The following PKHD1L1 variants were observed in gnomAD, a reference collection of about 807,000 sequenced individuals.
PKHD1L1 encodes the protein PKHD1 like 1, also known as fibrocystin-L.
PKHD1L1 carries 434 observed loss-of-function variants against 462.9 expected under a neutral mutation model. The ratio of observed to expected loss-of-function variants is 0.94; its 90% confidence interval spans 0.87 to 1.02. The LOEUF (loss-of-function observed/expected upper bound fraction) is 1.02. Ranked by LOEUF, PKHD1L1 falls within the 50% of genes least tolerant of loss-of-function variation. The probability of loss-of-function intolerance (pLI) is 0.00; values close to 1 mark genes in which losing one functional copy is unlikely to be tolerated. For missense variants in PKHD1L1, 5,202 were observed against 5,096.1 expected, an observed-to-expected ratio of 1.02 and a Z score of -0.63; for synonymous variants, 1,781 against 1,750.0, an observed-to-expected ratio of 1.02 and a Z score of -0.44.
intron 28 of PKHD1L1, 41 bp from the exon 29 acceptor site, chr8:109,435,149 T>C (rs775544851): frequency 6.2e-7 from 1 of 1,605,224 alleles, no homozygotes; most frequent in Non-Finnish European, 8.5e-7. Flanking sequence ...ATAAAACCAT[T>C]TGATTTACCA....
At chr8:109,465,421 G>C (rs975396300) in intron 49 of PKHD1L1, among the ~76,000 whole-genome samples, 176 bp downstream of exon 49, 2 of 152,270 alleles carry the variant, frequency 1.3e-5, no homozygotes, top group Middle Eastern at 3.4e-3. Context: ...TTCGTTTCTG[G>C]AAGAGCCCCA....
rs1818166568 is a variant in PKHD1L1, at chr8:109,479,549, A to C, written c.9090-2A>C. The C allele has an allele frequency of 6.7e-7, 1 of 1,484,986 alleles. No individual in the cohort carries two copies. Among genetic ancestry groups the C allele is most frequent in the Non-Finnish European group, 9.3e-7 (1 of 1,078,112 alleles). The allele number at this position is 1,484,986 out of a possible 1,614,324, so 92.0% of individuals were successfully genotyped here. ...ATGGAAGTATTTCTCTTCTCTTTTC[A>C]GTTTATGGTCAAATGATTCTTTTTG... On this transcript the variant is annotated splice_acceptor_variant, in intron 53 of 77. Coordinates refer to ENST00000378402, the MANE Select transcript of PKHD1L1 (RefSeq NM_177531.6). LOFTEE classifies it high-confidence loss of function.
chr8:109,463,530 C>A (rs569801028), intron 48 of PKHD1L1, among the ~76,000 whole-genome samples: 1 of 152,206 alleles, frequency 6.6e-6, no homozygotes, highest in South Asian at 2.1e-4. Flanking sequence ...TATTTCCTTA[C>A]CCCATGAGAT....
intron 22 of PKHD1L1, among the ~76,000 whole-genome samples, chr8:109,420,034 TGTC>T (rs954905531): frequency 6.6e-6 from 1 of 152,188 alleles, no homozygotes; most frequent in African/African-American, 2.4e-5. Flanking sequence ...GGATAAATAT[TGTC>T]GTTCATTAAA....
At chr8:109,408,317 CA>C (rs1457969780) in intron 18 of PKHD1L1, 111 bp downstream of exon 18, 1 of 993,598 alleles carries the variant, frequency 1.0e-6, no homozygotes, top group African/African-American at 1.6e-5. Context: ...AAAATCACTG[CA>C]AATTATTTAT....
intron 1 of PKHD1L1, 141 bp from the exon 2 acceptor site, chr8:109,364,406 A>G (rs1811125242): frequency 4.4e-6 from 3 of 679,194 alleles, no homozygotes; most frequent in Non-Finnish European, 7.5e-6. Flanking sequence ...AGCCAAAAAT[A>G]AAACCTGGGT....
intron 23 of PKHD1L1, among the ~76,000 whole-genome samples, chr8:109,423,997 G>T (rs1212465509): frequency 6.6e-6 from 1 of 151,920 alleles, no homozygotes; most frequent in African/African-American, 2.4e-5. Context: ...TCTTTATCTT[G>T]TATCTTATAA....
Position 109,456,262 on chromosome 8 carries a change from G to A in PKHD1L1, c.6875G>A (p.Gly2292Asp). ...TACTCAGTGTGTATGTTGGTTCTAG[G>A]TGTGCCTGTTCCTGTGACCTGGACT... ...AVREGILDLHGVPVPVTWTRL... is the reference protein window; with the variant it reads ...AVREGILDLHDVPVPVTWTRL... Residue 2292 changes from glycine to aspartate, a missense_variant and splice_region_variant, in exon 46 of 78, where the codon GGT becomes GAT. Physicochemically the swap from Gly to Asp is moderately conservative, Grantham distance 94. Around this residue, in one of 3 missense-constraint regions of PKHD1L1, gnomAD observed 4,497 missense variants for 4,336.8 expected, o/e 1.04. Transcript: ENST00000378402. The A allele has an allele frequency of 6.2e-6, 10 of 1,611,904 alleles. No individual in the cohort carries two copies. The highest frequency in any genetic ancestry group is 7.6e-6 in the Non-Finnish European group (9 of 1,178,998).
At chr8:109,468,626 T>C (rs527728292) in intron 50 of PKHD1L1, among the ~76,000 whole-genome samples, 1 of 152,274 alleles carries the variant, frequency 6.6e-6, no homozygotes, top group Admixed American at 6.5e-5. Context: ...CCATAATATG[T>C]CCCCATGACC....
chr8:109,513,338 A>C (rs1054052933), intron 71 of PKHD1L1, among the ~76,000 whole-genome samples: 5 of 152,144 alleles, frequency 3.3e-5, no homozygotes, highest in Non-Finnish European at 7.4e-5. Flanking sequence ...ATGTACATCC[A>C]AAACTGATCA....
chr8:109,403,492 CTTAGT>C (rs1813376573), intron 14 of PKHD1L1, among the ~76,000 whole-genome samples: 1 of 152,028 alleles, frequency 6.6e-6, no homozygotes, highest in African/African-American at 2.4e-5. Flanking sequence ...CTGCAAAGTG[CTTAGT>C]TTATTGTCTA....
At chr8:109,425,871 G>A (rs1393575169) in intron 24 of PKHD1L1, among the ~76,000 whole-genome samples, 1 of 152,054 alleles carries the variant, frequency 6.6e-6, no homozygotes, top group East Asian at 1.9e-4. Flanking sequence ...TTGAATATAA[G>A]GGATTATATG....
intron 41 of PKHD1L1, 88 bp downstream of exon 41, chr8:109,451,237 A>G: frequency 7.3e-7 from 1 of 1,369,674 alleles, no homozygotes; most frequent in Non-Finnish European, 9.8e-7. Context: ...ACAGTGCAGA[A>G]ATACAGTCAT....
intron 63 of PKHD1L1, among the ~76,000 whole-genome samples, chr8:109,496,095 A>G (rs1819070496): frequency 6.6e-6 from 1 of 152,226 alleles, no homozygotes; most frequent in Admixed American, 6.5e-5. Context: ...CTTTCCCAAG[A>G]TAATGCATAC....
chr8:109,477,053 T>C (rs528400422), intron 52 of PKHD1L1, among the ~76,000 whole-genome samples, 172 bp from the exon 53 acceptor site: 9 of 152,182 alleles, frequency 5.9e-5, no homozygotes, highest in Non-Finnish European at 1.2e-4. Flanking sequence ...ATTTTGACCG[T>C]GTATATCTTT....
chr8:109,383,215 TA>T (rs1812244023), intron 4 of PKHD1L1, among the ~76,000 whole-genome samples: 1 of 84,358 alleles, frequency 1.2e-5, no homozygotes, highest in South Asian at 3.1e-4. Context: ...TTATATAATA[TA>T]ATTATATATT....
At chr8:109,507,307 AAT>A (rs1819739460) in intron 68 of PKHD1L1, among the ~76,000 whole-genome samples, 1 of 152,150 alleles carries the variant, frequency 6.6e-6, no homozygotes. Context: ...GTATAACAGT[AAT>A]CATTCACCTA....
chr8:109,498,132 T>C (rs538830109), intron 65 of PKHD1L1, among the ~76,000 whole-genome samples: 2 of 45,664 alleles, frequency 4.4e-5, no homozygotes, highest in African/African-American at 2.4e-4. Context: ...TCTCGCTCTG[T>C]CGCCCAGGCC....
At chr8:109,443,625 A>G (rs1177815609) in intron 36 of PKHD1L1, 51 bp from the exon 37 acceptor site, 10 of 1,355,824 alleles carry the variant, frequency 7.4e-6, no homozygotes, top group South Asian at 1.3e-5. Context: ...GAAAACAGTT[A>G]TCATTTTGGA....
Sources: allele counts gnomAD v4.1 joint callset (sites outside exome capture counted in the v4.1 genomes callset), GRCh38; gene constraint gnomAD v4.1.1; regional missense constraint gnomAD v4.1.1; transcripts MANE v1.5; gene names NCBI Gene and HGNC (gene_info 2026-07-23, HGNC 2026-07-21).